RTL9: variants seen among roughly 807,000 people sequenced by gnomAD.
RTL9 encodes retrotransposon Gag like 9.
RTL9 carries 19 observed loss-of-function variants against 44.7 expected under a neutral mutation model. The ratio of observed to expected loss-of-function variants is 0.42; its 90% CI spans 0.30 to 0.62. The LOEUF (loss-of-function observed/expected upper bound fraction) is 0.62, where lower values mean the gene tolerates loss of function less well. Among genes scored for constraint, RTL9 ranks in the 20% least tolerant of loss-of-function variants. RTL9 has a pLI of 0.16. For synonymous variants in RTL9, 407 were observed against 398.9 expected, an observed-to-expected ratio of 1.02 and a Z score of -0.24; for missense variants, 1,105 against 1,080.6, an observed-to-expected ratio of 1.02 and a Z score of -0.32.
intron 1 of RTL9, among the ~76,000 whole-genome samples, chrX:110,443,860 C>T (rs774330422): frequency 8.9e-6 from 1 of 112,423 alleles, no homozygotes; most frequent in South Asian, 3.7e-4. Context: ...TGTAAACCTA[C>T]TTGCTAGGCT....
Position 110,374,148 on chromosome X carries a change from A to G in RTL9, c.-168+15232A>G, listed in dbSNP as rs759245524. On this transcript the variant is annotated intron_variant, in intron 1 of 2. Coordinates refer to the RTL9 transcript ENST00000520821. The stretch of plus-strand genomic sequence containing the variant: ...TGAACAGGACATGAGTCCTGAGATT[A>G]AAACCATGTACCTAGTTCTAAGCAG... Among the ~76,000 whole-genome samples the G allele has an allele frequency of 6.2e-5, 7 of 112,233 alleles. No individual in the cohort carries two copies. The South Asian group carries it at 2.2e-3, about 36-fold the overall frequency.
At chrX:110,449,220 AT>A (rs1471780533), upstream of RTL9, among the ~76,000 whole-genome samples, 1 of 111,147 alleles carries the variant, frequency 9.0e-6, no homozygotes, top group African/African-American at 3.3e-5. Context: ...CTGGGTCTGA[AT>A]TTTCTCATTT....
chrX:110,371,296 T>G (rs911781560), intron 1 of RTL9, among the ~76,000 whole-genome samples: 16 of 110,565 alleles, frequency 1.4e-4, no homozygotes, highest in African/African-American at 5.3e-4. Flanking sequence ...TATATATTTT[T>G]GGGGTACATG....
At chrX:110,385,479 A>G (rs1373070070) in intron 1 of RTL9, among the ~76,000 whole-genome samples, 1 of 111,430 alleles carries the variant, frequency 9.0e-6, no homozygotes, top group African/African-American at 3.3e-5. Flanking sequence ...CCCAAAAAGG[A>G]ATCTCATACC....
intron 1 of RTL9, among the ~76,000 whole-genome samples, chrX:110,368,910 C>T (rs780136694): frequency 2.7e-5 from 3 of 111,712 alleles, no homozygotes; most frequent in Non-Finnish European, 5.7e-5. Context: ...TGCAGCAATC[C>T]CCCACCCAGT....
chrX:110,446,644 C>T (rs1002804246), upstream of RTL9, among the ~76,000 whole-genome samples: 18 of 111,379 alleles, frequency 1.6e-4, no homozygotes, highest in African/African-American at 5.6e-4. Context: ...TCACTGTTGG[C>T]GTTTTGGTAT....
chrX:110,374,515 A>G (rs1287914048), intron 1 of RTL9, among the ~76,000 whole-genome samples: 2 of 111,703 alleles, frequency 1.8e-5, no homozygotes, highest in Non-Finnish European at 3.8e-5. Context: ...CATAAGACCA[A>G]TTAAAATCCC....
At chrX:110,403,528 G>A (rs2068578894) in intron 1 of RTL9, among the ~76,000 whole-genome samples, 1 of 110,818 alleles carries the variant, frequency 9.0e-6, no homozygotes, top group Non-Finnish European at 1.9e-5. Flanking sequence ...ATGATACCAG[G>A]GCAGCAGAAT....
chrX:110,389,982 A>G (rs16985977), intron 1 of RTL9, among the ~76,000 whole-genome samples: 5,434 of 111,771 alleles, frequency 0.049, 151 homozygotes, highest in African/African-American at 0.097. Context: ...ACCACAGAGT[A>G]TTGGAAGTGT....
intron 1 of RTL9, among the ~76,000 whole-genome samples, chrX:110,370,882 C>T (rs749119173): frequency 6.2e-5 from 7 of 112,014 alleles, no homozygotes; most frequent in African/African-American, 3.2e-5. Context: ...ATTTGGACCT[C>T]GTACAGTTTG....
At chrX:110,447,794 C>T (rs1179674463), upstream of RTL9, among the ~76,000 whole-genome samples, 1 of 111,111 alleles carries the variant, frequency 9.0e-6, no homozygotes, top group African/African-American at 3.3e-5. Context: ...TTGTCAAACT[C>T]TACATCCCTA....
At chrX:110,427,977 G>A (rs2068766715) in intron 1 of RTL9, among the ~76,000 whole-genome samples, 1 of 111,787 alleles carries the variant, frequency 8.9e-6, no homozygotes, top group Admixed American at 9.4e-5. Context: ...TTCCCCGCCT[G>A]TCCAGTCTGG....
intron 1 of RTL9, among the ~76,000 whole-genome samples, chrX:110,378,920 G>T (rs770900824): frequency 1.2e-3 from 132 of 108,514 alleles, no homozygotes; most frequent in South Asian, 8.4e-3. Flanking sequence ...CTGGACACCC[G>T]TCCACCCCCC....
chrX:110,455,606 G>C (rs2068976278), exon 2 of RTL9: 1 of 238,053 alleles, frequency 4.2e-6, no homozygotes, highest in African/African-American at 2.8e-5. Flanking sequence ...TCTTGGTCCA[G>C]GGAGAAGTCT....
exon 1 of RTL9, chrX:110,454,334 T>C (rs1458961088): frequency 8.3e-7 from 1 of 1,210,582 alleles, no homozygotes; most frequent in Non-Finnish European, 1.1e-6. Flanking sequence ...GTGCTGTTCT[T>C]TGCCATCCCA....
At chrX:110,454,004 A>C in exon 1 of RTL9, 2 of 1,211,838 alleles carry the variant, frequency 1.7e-6, no homozygotes, top group Non-Finnish European at 2.2e-6. Context: ...CAACTCCTGA[A>C]ACTGCGAAAC....
At chrX:110,406,537 TG>T (rs199761789) in intron 1 of RTL9, among the ~76,000 whole-genome samples, 1,181 of 112,182 alleles carry the variant, frequency 0.011, 11 homozygotes, top group African/African-American at 0.037. Flanking sequence ...TCCAAGTCTT[TG>T]CTATTGTGAA....
At chrX:110,438,565 G>A (rs1248362247) in intron 1 of RTL9, among the ~76,000 whole-genome samples, 7 of 111,439 alleles carry the variant, frequency 6.3e-5, no homozygotes, top group African/African-American at 9.8e-5. Context: ...AATTACCAAG[G>A]ACCAAGCAAA....
intron 1 of RTL9, among the ~76,000 whole-genome samples, chrX:110,387,410 C>T (rs1266203845): frequency 8.9e-6 from 1 of 112,280 alleles, no homozygotes; most frequent in Admixed American, 9.4e-5. Context: ...TCCAGTTTCT[C>T]TAGAAAAATC....
Sources: allele counts gnomAD v4.1 joint callset (sites outside exome capture counted in the v4.1 genomes callset), GRCh38; gene constraint gnomAD v4.1.1; transcripts MANE v1.5; gene names NCBI Gene and HGNC (gene_info 2026-07-23, HGNC 2026-07-21).